DNAAF11: variants seen among roughly 807,000 people sequenced by gnomAD.
DNAAF11 encodes dynein axonemal assembly factor 11, also known as leucine rich repeat containing 6.
DNAAF11 carries 45 observed loss-of-function variants against 60.8 expected under a neutral mutation model. The ratio of observed to expected loss-of-function variants is 0.74; its 90% CI spans 0.58 to 0.95. The LOEUF (loss-of-function observed/expected upper bound fraction) is 0.95, where lower values mean the gene tolerates loss of function less well. DNAAF11 is among the 40% of genes least tolerant of loss of function. The pLI, the probability that DNAAF11 is intolerant of heterozygous loss-of-function variation, is 0.00. For missense variants in DNAAF11, 546 were observed against 546.2 expected, an observed-to-expected ratio of 1.00 and a Z score of 0.00; for synonymous variants, 191 against 183.5, an observed-to-expected ratio of 1.04 and a Z score of -0.33.
In DNAAF11 at chr8:132,662,087, G is replaced by A. The variant is rs527782458; in HGVS notation, c.11-460C>T. On this transcript the variant is annotated intron_variant, in intron 1 of 11. Coordinates refer to ENST00000620350, the MANE Select transcript of DNAAF11 (RefSeq NM_012472.6). ...TACCATTCAGAAAATAAAGGTCACA[G>A]GTCATTCATTTAACCAATGTTTATT... Among the ~76,000 whole-genome samples the A allele has an allele frequency of 3.9e-5, 6 of 152,302 alleles. No homozygotes were observed. In the East Asian group the frequency reaches 1.2e-3, roughly 29 times the overall value.
intron 10 of DNAAF11, among the ~76,000 whole-genome samples, chr8:132,586,018 G>A (rs1053947384): frequency 1.3e-5 from 2 of 152,076 alleles, no homozygotes; most frequent in African/African-American, 2.4e-5. Context: ...ATTGATTCCA[G>A]TTATAGTTAA....
At position 132,573,127 on chromosome 8, in the gene DNAAF11, T is replaced by C. The variant is rs77344027; in HGVS notation, c.1227-647A>G. On this transcript the variant is annotated intron_variant, in intron 11 of 11. Transcript: ENST00000620350. ...ATAGATATAGATACAGATATAGATA[T>C]AGATATAGATATAGATGTAGATAAT... 3.4e-3 allele frequency among the ~76,000 whole-genome samples: 512 copies of C among 152,256 alleles called. 4 individuals are homozygous for C. Among genetic ancestry groups the C allele is most frequent in the African/African-American group, 0.012 (491 of 41,556 alleles).
rs1036694184 is a variant in DNAAF11, at chr8:132,645,046, C to T, written c.257-6939G>A. ...GACAATCTGCCTCCTCAAGTGGGTCCCTGACCCCTGGGGAGCCCAACTGGG... is the reference window on the plus strand; with the variant it reads ...GACAATCTGCCTCCTCAAGTGGGTCTCTGACCCCTGGGGAGCCCAACTGGG... On this transcript the variant is annotated intron_variant, in intron 3 of 11. Transcript: ENST00000620350. 6.6e-5 allele frequency among the ~76,000 whole-genome samples: 10 copies of T among 152,160 alleles called. 1 individual carries two copies. Among genetic ancestry groups the T allele is most frequent in the African/African-American group, 2.4e-4 (10 of 41,434 alleles).
At chr8:132,603,351 G>A (rs1817821104) in intron 10 of DNAAF11, among the ~76,000 whole-genome samples, 1 of 152,126 alleles carries the variant, frequency 6.6e-6, no homozygotes, top group Non-Finnish European at 1.5e-5. Flanking sequence ...ACTTGCAGAA[G>A]CCTAGGTATA....
intron 10 of DNAAF11, among the ~76,000 whole-genome samples, chr8:132,584,187 C>T (rs569438713): frequency 1.2e-4 from 18 of 152,192 alleles, no homozygotes; most frequent in African/African-American, 4.3e-4. Flanking sequence ...CCTCATTCTC[C>T]CGGCTCACTG....
At chr8:132,657,156 G>C (rs1823661423) in intron 2 of DNAAF11, among the ~76,000 whole-genome samples, 1 of 152,086 alleles carries the variant, frequency 6.6e-6, no homozygotes, top group Admixed American at 6.5e-5. Context: ...ACTCCAGGCA[G>C]TTAGGTTTAG....
chr8:132,595,493 G>A (rs1816916042), intron 10 of DNAAF11, among the ~76,000 whole-genome samples: 1 of 151,742 alleles, frequency 6.6e-6, no homozygotes, highest in Admixed American at 6.6e-5. Context: ...TATTTCAAGT[G>A]CCATGGAAAG....
At chr8:132,669,143 T>C (rs1472118841) in intron 1 of DNAAF11, among the ~76,000 whole-genome samples, 1 of 152,198 alleles carries the variant, frequency 6.6e-6, no homozygotes, top group Non-Finnish European at 1.5e-5. Context: ...TCAATTTTGA[T>C]TTCTTTCCTA....
intron 10 of DNAAF11, among the ~76,000 whole-genome samples, chr8:132,597,172 T>G (rs1817098682): frequency 6.6e-6 from 1 of 152,150 alleles, no homozygotes; most frequent in Non-Finnish European, 1.5e-5. Flanking sequence ...TCACCTCTTA[T>G]TTTATTTTTA....
intron 1 of DNAAF11, among the ~76,000 whole-genome samples, chr8:132,675,083 T>C (rs1825656523): frequency 6.6e-6 from 1 of 152,112 alleles, no homozygotes; most frequent in South Asian, 2.1e-4. Context: ...CCTTCCGGAA[T>C]GAGTCCGAAG....
At chr8:132,682,291 C>T in the DNAAF11 span, among the ~76,000 whole-genome samples, 9 of 152,166 alleles carry the variant, frequency 5.9e-5, no homozygotes, top group East Asian at 1.7e-3. Context: ...CTGAGGCCGC[C>T]GTGCTGGAGA....
At chr8:132,669,004 TA>T in intron 1 of DNAAF11, among the ~76,000 whole-genome samples, 1 of 152,304 alleles carries the variant, frequency 6.6e-6, no homozygotes, top group South Asian at 2.1e-4. Context: ...CTGGTTGATG[TA>T]GGGGCTATAA....
At position 132,614,270 on chromosome 8, in the gene DNAAF11, A is replaced by C. The variant is rs180900694; in HGVS notation, c.974+768T>G. 2.1e-3 allele frequency among the ~76,000 whole-genome samples: 313 copies of C among 152,312 alleles called. 2 individuals carry two copies. Among genetic ancestry groups the C allele is most frequent in the African/African-American group, 7.1e-3 (297 of 41,574 alleles). Reference sequence around the variant, plus strand: ...GAAGGACACGAGGCAGCAAGCCACAAGGACACCGAGGGTGATACAGGCAGA... The same window carrying C: ...GAAGGACACGAGGCAGCAAGCCACACGGACACCGAGGGTGATACAGGCAGA... On this transcript the variant is annotated intron_variant, in intron 8 of 11. Transcript: ENST00000620350.
intron 10 of DNAAF11, among the ~76,000 whole-genome samples, chr8:132,600,256 C>A (rs62514505): frequency 0.099 from 14,841 of 149,750 alleles, 1,000 homozygotes; most frequent in Non-Finnish European, 0.15. Context: ...CAAACCACTG[C>A]TCAACAAAAT....
the DNAAF11 span, among the ~76,000 whole-genome samples, chr8:132,681,608 T>C: frequency 6.6e-6 from 1 of 152,142 alleles, no homozygotes; most frequent in Non-Finnish European, 1.5e-5. Flanking sequence ...CAGTGCTTTC[T>C]TTATCCATAT....
intron 10 of DNAAF11, among the ~76,000 whole-genome samples, chr8:132,589,552 T>A (rs1816251794): frequency 6.6e-6 from 1 of 152,220 alleles, no homozygotes. Context: ...CCTAGCTAGA[T>A]AAAAATACTT....
At chr8:132,675,419 C>T in intron 1 of DNAAF11, 65 bp downstream of exon 1, 1 of 1,521,290 alleles carries the variant, frequency 6.6e-7, no homozygotes, top group Non-Finnish European at 8.9e-7. Context: ...GGCGAGGATC[C>T]CACGAGACCC....
chr8:132,655,808 A>G (rs1318394795), intron 3 of DNAAF11, among the ~76,000 whole-genome samples: 1 of 152,222 alleles, frequency 6.6e-6, no homozygotes, highest in African/African-American at 2.4e-5. Context: ...TGGCTACTAT[A>G]AAAATAAACA....
At chr8:132,648,866 T>C (rs202229931) in intron 3 of DNAAF11, among the ~76,000 whole-genome samples, 1 of 152,052 alleles carries the variant, frequency 6.6e-6, no homozygotes, top group Non-Finnish European at 1.5e-5. Context: ...AAAGAGGACA[T>C]AAACAAATGG....
Sources: allele counts gnomAD v4.1 joint callset (sites outside exome capture counted in the v4.1 genomes callset), GRCh38; gene constraint gnomAD v4.1.1; transcripts MANE v1.5; gene names NCBI Gene and HGNC (gene_info 2026-07-23, HGNC 2026-07-21).